KIF18A: variants seen among roughly 807,000 people sequenced by gnomAD.
KIF18A encodes the protein kinesin family member 18A, also known as kinesin-like protein KIF18A.
Under a neutral mutation model 103.3 loss-of-function variants are expected in KIF18A, and 67 were observed. The observed-to-expected ratio is 0.65, with a 90% confidence interval of 0.53 to 0.79. The LOEUF is 0.79. Ranked by LOEUF, KIF18A falls within the 30% of genes least tolerant of loss-of-function variation. KIF18A has a pLI of 0.00. For synonymous variants in KIF18A, 367 were observed against 355.5 expected (o/e 1.03, Z -0.36); for missense variants, 1,032 against 1,062.5 (o/e 0.97, Z 0.40).
At position 28,073,906 on chromosome 11, in the gene KIF18A, G is replaced by GCATA; in HGVS notation, c.1425+3100_1425+3101insTATG. Among the ~76,000 whole-genome samples, 5 of 152,186 alleles carry GCATA rather than the reference G, an allele frequency of 3.3e-5. 1 individual carries two copies. In the Middle Eastern group the frequency reaches 0.017, roughly 518 times the overall value. Reference sequence around the variant, plus strand: ...TGTTAAGTCAATATCAGCTTCCTATGGCTGCATTTCTTGCCTTTTGTCAAA... The same window carrying GCATA: ...TGTTAAGTCAATATCAGCTTCCTATGCATAGCTGCATTTCTTGCCTTTTGTCAAA... On this transcript the variant is annotated intron_variant, in intron 10 of 16. Transcript: ENST00000263181.
Position 28,021,263 on chromosome 11 carries a change from A to G in KIF18A, c.2634T>C (p.Cys878=), listed in dbSNP as rs1056928977. 2.7e-6 allele frequency: 4 copies of G among 1,480,134 alleles called. No homozygotes were observed. The highest frequency in any genetic ancestry group is 4.6e-5 in the Admixed American group (2 of 43,236). 91.7% of individuals were successfully genotyped at this position (1,480,134 alleles called of 1,614,324 possible). A position where few individuals can be genotyped will look rare whatever the true frequency, so the allele number is the denominator to read the frequency against. Residue 878 remains cysteine, a synonymous_variant, in exon 17 of 17, where the codon TGT becomes TGC. Coordinates refer to ENST00000263181, the MANE Select transcript of KIF18A (RefSeq NM_031217.4). ...TTCTAACCATGCTTGGATTTATTTT[A>G]CAGATGTTTCTTTTATGTTCTAGAG... ...KPTMEHKRNI[C]KINPSMVRKF... is the part of the protein sequence containing the mutation.
intron 1 of KIF18A, among the ~76,000 whole-genome samples, chr11:28,098,497 G>A (rs1256963454): frequency 6.6e-6 from 1 of 152,144 alleles, no homozygotes; most frequent in Non-Finnish European, 1.5e-5. Flanking sequence ...AAGCCCCTTG[G>A]CCGTGGAAAG....
At chr11:28,104,292 A>G (rs1851479830) in intron 1 of KIF18A, among the ~76,000 whole-genome samples, 1 of 152,196 alleles carries the variant, frequency 6.6e-6, no homozygotes, top group African/African-American at 2.4e-5. Context: ...CAAACTCCTT[A>G]CCATGGCCTA....
At position 28,036,552 on chromosome 11, in the gene KIF18A, A is replaced by C. The variant is rs1354249281; in HGVS notation, c.2061T>G (p.Ser687=). ...GAGAATCATTGAGCTGCACACTTTG[A>C]GATGGTGGAGACTTTAGAGTATGCT... ...KGQHTLKSPP[S]QSVQLNDSLS... The change falls in exon 14 of 17, where the codon TCT becomes TCG. Residue 687 remains serine, a synonymous_variant. Transcript: ENST00000263181. The C allele has an allele frequency of 6.2e-7, 1 of 1,611,076 alleles. No individual in the cohort carries two copies. Among genetic ancestry groups the C allele is most frequent in the South Asian group, 1.1e-5 (1 of 90,986 alleles).
chr11:28,027,289 T>C (rs1590659223), intron 15 of KIF18A, among the ~76,000 whole-genome samples: 1 of 151,910 alleles, frequency 6.6e-6, no homozygotes, highest in Non-Finnish European at 1.5e-5. Flanking sequence ...TTATAGGATA[T>C]AAAGAATGCA....
chr11:28,021,290 A>G lies in KIF18A; in HGVS notation c.2615-8T>C. The stretch of plus-strand genomic sequence containing the variant: ...AGATGTTTCTTTTATGTTCTAGAGA[A>G]GAAATAAAAAGATGCATAAATATGG... On this transcript the variant is annotated splice_polypyrimidine_tract_variant and splice_region_variant and intron_variant, in intron 16 of 16. Coordinates refer to ENST00000263181, the MANE Select transcript of KIF18A (RefSeq NM_031217.4). 7.2e-7 allele frequency: 1 copy of G among 1,392,568 alleles called. No individual in the cohort carries two copies. The highest frequency in any genetic ancestry group is 9.4e-7 in the Non-Finnish European group (1 of 1,060,476). 86.3% of individuals were successfully genotyped at this position (1,392,568 alleles called of 1,614,324 possible).
intron 13 of KIF18A, among the ~76,000 whole-genome samples, chr11:28,054,369 C>T (rs1157555438): frequency 6.6e-6 from 1 of 152,074 alleles, no homozygotes; most frequent in East Asian, 1.9e-4. Flanking sequence ...GGCCACAATG[C>T]CTTGCCAAGT....
chr11:28,058,129 TAACTA>T (rs1325982691), intron 13 of KIF18A, among the ~76,000 whole-genome samples: 6 of 152,280 alleles, frequency 3.9e-5, no homozygotes, highest in African/African-American at 1.4e-4. Context: ...ATTTTTTTCT[TAACTA>T]AGATTATATG....
At chr11:28,046,391 T>C (rs1256738133) in intron 13 of KIF18A, among the ~76,000 whole-genome samples, 7 of 149,064 alleles carry the variant, frequency 4.7e-5, no homozygotes, top group Non-Finnish European at 1.0e-4. Context: ...TTCATGTCCT[T>C]TGTAGGGACA....
At chr11:28,067,063 A>G (rs914668767) in intron 11 of KIF18A, among the ~76,000 whole-genome samples, 2 of 151,962 alleles carry the variant, frequency 1.3e-5, no homozygotes, top group African/African-American at 2.4e-5. Context: ...CACACTGTCC[A>G]AAGTCATATA....
At chr11:28,097,309 T>C (rs937596455) in intron 2 of KIF18A, 10 of 227,194 alleles carry the variant, frequency 4.4e-5, no homozygotes. Context: ...AAGTTATAAA[T>C]ACAGGTTATG....
At chr11:28,075,392 T>C (rs1325911647) in intron 10 of KIF18A, among the ~76,000 whole-genome samples, 3 of 152,158 alleles carry the variant, frequency 2.0e-5, no homozygotes, top group Admixed American at 6.6e-5. Flanking sequence ...ATTAGGATAA[T>C]ATTACTAAAT....
intron 14 of KIF18A, among the ~76,000 whole-genome samples, chr11:28,035,959 TAAG>T (rs1009678966): frequency 2.0e-5 from 3 of 151,472 alleles, no homozygotes; most frequent in African/African-American, 4.8e-5. Context: ...ACCTTCAGAG[TAAG>T]AAGAACAAAC....
chr11:28,061,934 G>A (rs1162637888), intron 12 of KIF18A, among the ~76,000 whole-genome samples: 1 of 152,066 alleles, frequency 6.6e-6, no homozygotes, highest in East Asian at 1.9e-4. Flanking sequence ...TAAAAGGTCT[G>A]TTATAGCATC....
chr11:28,027,072 C>A (rs994662418), intron 15 of KIF18A, among the ~76,000 whole-genome samples: 2 of 151,788 alleles, frequency 1.3e-5, no homozygotes, highest in African/African-American at 4.8e-5. Context: ...AGAAGATACT[C>A]TATGTAGCAC....
chr11:28,022,051 T>A (rs1850252828), intron 16 of KIF18A, among the ~76,000 whole-genome samples: 1 of 152,192 alleles, frequency 6.6e-6, no homozygotes, highest in Admixed American at 6.5e-5. Flanking sequence ...AGAAAACTGG[T>A]TTAATACATT....
chr11:28,044,111 A>G (rs985527450), intron 13 of KIF18A, among the ~76,000 whole-genome samples: 1 of 151,980 alleles, frequency 6.6e-6, no homozygotes, highest in Non-Finnish European at 1.5e-5. Context: ...CCCCATTACC[A>G]TCACCTACAT....
At chr11:28,044,516 T>C (rs1850603643) in intron 13 of KIF18A, among the ~76,000 whole-genome samples, 1 of 152,086 alleles carries the variant, frequency 6.6e-6, no homozygotes, top group Non-Finnish European at 1.5e-5. Context: ...AGGCATCCTA[T>C]AAAAAACTGA....
At chr11:28,103,445 T>A (rs1851469244) in intron 1 of KIF18A, among the ~76,000 whole-genome samples, 1 of 151,714 alleles carries the variant, frequency 6.6e-6, no homozygotes, top group Non-Finnish European at 1.5e-5. Flanking sequence ...AAAAGAAGAA[T>A]GAAGGGGCTA....
Sources: allele counts gnomAD v4.1 joint callset (sites outside exome capture counted in the v4.1 genomes callset), GRCh38; gene constraint gnomAD v4.1.1; transcripts MANE v1.5; gene names NCBI Gene and HGNC (gene_info 2026-07-23, HGNC 2026-07-21).